PEAK1: variants seen among roughly 807,000 people sequenced by gnomAD.
PEAK1 encodes pseudopodium enriched atypical kinase 1, also known as inactive tyrosine-protein kinase PEAK1.
Under a neutral mutation model 124.7 loss-of-function variants are expected in PEAK1, and 54 were observed. The ratio of observed to expected loss-of-function variants is 0.43; its 90% CI spans 0.35 to 0.54. The LOEUF (loss-of-function observed/expected upper bound fraction) is 0.54, where lower values mean the gene tolerates loss of function less well. Ranked by LOEUF, PEAK1 falls within the 20% of genes least tolerant of loss-of-function variation. PEAK1 has a pLI of 0.01. For synonymous variants in PEAK1, 719 were observed against 760.0 expected, an observed-to-expected ratio of 0.95 and a Z score of 0.89; for missense variants, 2,046 against 2,134.5, an observed-to-expected ratio of 0.96 and a Z score of 0.82.
intron 5 of PEAK1, among the ~76,000 whole-genome samples, chr15:77,256,837 T>C (rs539376809): frequency 1.3e-5 from 2 of 152,108 alleles, no homozygotes; most frequent in Non-Finnish European, 2.9e-5. Context: ...TAACTCGTCA[T>C]TTAGCATTAG....
chr15:77,243,143 G>A (rs2060431761), intron 6 of PEAK1, among the ~76,000 whole-genome samples: 1 of 152,138 alleles, frequency 6.6e-6, no homozygotes, highest in African/African-American at 2.4e-5. Context: ...GTTTATTTCT[G>A]TGCTTCCAGT....
intron 1 of PEAK1, among the ~76,000 whole-genome samples, chr15:77,398,664 T>C (rs1185019019): frequency 6.6e-6 from 1 of 152,204 alleles, no homozygotes; most frequent in African/African-American, 2.4e-5. Flanking sequence ...AGTATCATAC[T>C]GAATGGAGAA....
intron 2 of PEAK1, chr15:77,335,118 T>C (rs1198475398): frequency 2.0e-6 from 2 of 985,354 alleles, no homozygotes; most frequent in Non-Finnish European, 1.2e-6. Context: ...CAAATGCTTC[T>C]GGTCAAAGAG....
At chr15:77,355,604 G>A (rs1309166020) in intron 2 of PEAK1, among the ~76,000 whole-genome samples, 2 of 152,086 alleles carry the variant, frequency 1.3e-5, no homozygotes, top group Non-Finnish European at 2.9e-5. Flanking sequence ...AGATTCTGTA[G>A]GACCCTTTGC....
At chr15:77,212,937 G>C (rs1422431939) in intron 6 of PEAK1, among the ~76,000 whole-genome samples, 1 of 152,000 alleles carries the variant, frequency 6.6e-6, no homozygotes, top group Non-Finnish European at 1.5e-5. Context: ...CTAAAGTTCA[G>C]TGTTAGCAAA....
chr15:77,402,846 C>T (rs535687931), intron 1 of PEAK1: 31 of 985,144 alleles, frequency 3.1e-5, no homozygotes, highest in African/African-American at 5.2e-5. Context: ...AATGCCCTAA[C>T]GAATGGGAAA....
At chr15:77,344,369 C>T (rs542893084) in intron 2 of PEAK1, among the ~76,000 whole-genome samples, 2 of 152,252 alleles carry the variant, frequency 1.3e-5, no homozygotes, top group Non-Finnish European at 2.9e-5. Flanking sequence ...ACTGGGATTA[C>T]AGGCGTGAGC....
At chr15:77,159,267 G>A (rs2055423301) in intron 7 of PEAK1, among the ~76,000 whole-genome samples, 1 of 152,204 alleles carries the variant, frequency 6.6e-6, no homozygotes, top group Non-Finnish European at 1.5e-5. Context: ...GAGAATAGAA[G>A]CATCAACCTT....
chr15:77,311,565 G>A (rs1426855485), intron 2 of PEAK1, among the ~76,000 whole-genome samples: 3 of 151,442 alleles, frequency 2.0e-5, no homozygotes, highest in East Asian at 1.9e-4. Flanking sequence ...CTAGCTACTC[G>A]GGAGGCTGAG....
chr15:77,357,705 G>A (rs2067609432), intron 2 of PEAK1, among the ~76,000 whole-genome samples: 1 of 152,172 alleles, frequency 6.6e-6, no homozygotes, highest in South Asian at 2.1e-4. Context: ...AGTTTCTTTT[G>A]AAAATAGAGA....
At chr15:77,121,750 C>T (rs2051936582) in intron 9 of PEAK1, among the ~76,000 whole-genome samples, 1 of 152,196 alleles carries the variant, frequency 6.6e-6, no homozygotes, top group Non-Finnish European at 1.5e-5. Flanking sequence ...TCCAGTTTAT[C>T]AGCAGGGAAT....
At chr15:77,138,681 T>C (rs552720650) in intron 8 of PEAK1, among the ~76,000 whole-genome samples, 1 of 152,022 alleles carries the variant, frequency 6.6e-6, no homozygotes, top group African/African-American at 2.4e-5. Context: ...CTGGCCAACA[T>C]GGAAACCGTG....
At chr15:77,356,049 C>T (rs1000387685) in intron 2 of PEAK1, 6 of 563,684 alleles carry the variant, frequency 1.1e-5, no homozygotes, top group Admixed American at 6.4e-5. Flanking sequence ...CATGTGCACA[C>T]GACCTGGCCC....
intron 2 of PEAK1, chr15:77,355,941 T>C: frequency 2.0e-6 from 2 of 985,220 alleles, no homozygotes; most frequent in Non-Finnish European, 2.4e-6. Flanking sequence ...AATGGTGGCT[T>C]AGGCCTGAGA....
intron 5 of PEAK1, among the ~76,000 whole-genome samples, chr15:77,260,573 A>T (rs914013065): frequency 2.0e-5 from 3 of 152,184 alleles, no homozygotes; most frequent in African/African-American, 7.2e-5. Context: ...TTCAAAAAGA[A>T]CCAAAAAATA....
At position 77,114,743 on chromosome 15, in the gene PEAK1, T is replaced by A. The variant is rs536085287; in HGVS notation, c.4654A>T (p.Ile1552Leu). 2 of 1,613,386 alleles carry A rather than the reference T, an allele frequency of 1.2e-6. No individual in the cohort carries two copies. Among genetic ancestry groups the A allele is most frequent in the East Asian group, 4.5e-5 (2 of 44,826 alleles). ...SPTSSYPTRLIVSNFSQAKQK... is the reference protein window; with the variant it reads ...SPTSSYPTRLLVSNFSQAKQK... The stretch of plus-strand genomic sequence containing the variant: ...TTGGCCTGAGAGAAGTTGCTCACTA[T>A]AAGCCTAGTGGGATAAGATGAGGTG... Residue 1552 changes from isoleucine to leucine, a missense_variant, in exon 10 of 10, where the codon ATA (isoleucine) becomes TTA (leucine). Coordinates refer to ENST00000682557, the MANE Select transcript of PEAK1 (RefSeq NM_001385026.1).
chr15:77,254,516 T>C (rs958401015), intron 5 of PEAK1, among the ~76,000 whole-genome samples: 6 of 152,164 alleles, frequency 3.9e-5, no homozygotes, highest in Admixed American at 2.0e-4. Flanking sequence ...CACTGCATCC[T>C]TGACCTCCTA....
At chr15:77,292,135 T>C (rs796998800) in intron 2 of PEAK1, among the ~76,000 whole-genome samples, 38 of 152,306 alleles carry the variant, frequency 2.5e-4, no homozygotes, top group African/African-American at 8.7e-4. Flanking sequence ...TTATCTGTGG[T>C]AGTTATGGTC....
At chr15:77,394,674 T>C (rs528123481) in intron 1 of PEAK1, among the ~76,000 whole-genome samples, 68 of 151,974 alleles carry the variant, frequency 4.5e-4, no homozygotes, top group African/African-American at 1.6e-3. Flanking sequence ...AAAGAAGGGG[T>C]ACAAATAAGC....
Sources: allele counts gnomAD v4.1 joint callset (sites outside exome capture counted in the v4.1 genomes callset), GRCh38; gene constraint gnomAD v4.1.1; transcripts MANE v1.5; gene names NCBI Gene and HGNC (gene_info 2026-07-23, HGNC 2026-07-21).